Variants in ACVR1C observed in about 807,000 individuals in gnomAD.
ACVR1C encodes the protein activin A receptor type 1C.
In ACVR1C, 23 loss-of-function variants were observed where a neutral mutation model predicts 57.9. The observed-to-expected ratio is 0.40, with a 90% CI of 0.29 to 0.56. The LOEUF is 0.56. Ranked by LOEUF, ACVR1C falls within the 20% of genes least tolerant of loss-of-function variation. ACVR1C has a pLI of 0.50. For missense variants in ACVR1C, 480 were observed against 607.9 expected (o/e 0.79, Z 2.21); for synonymous variants, 214 against 215.3 (o/e 0.99, Z 0.05).
chr2:157,560,665 G>T (rs1474560749), intron 2 of ACVR1C, among the ~76,000 whole-genome samples: 1 of 152,204 alleles, frequency 6.6e-6, no homozygotes, highest in Non-Finnish European at 1.5e-5. Flanking sequence ...AGGAGGACCT[G>T]ACTGAAAACC....
Position 157,538,595 on chromosome 2 carries a change from G to T in ACVR1C, c.1334C>A (p.Pro445Gln). Residue 445 changes from proline (P) to glutamine (Q), a missense_variant, in exon 8 of 9, where the codon CCA becomes CAA. By Grantham distance (76) the Pro-to-Gln change is moderately conservative. Coordinates refer to ENST00000243349, the MANE Select transcript of ACVR1C (RefSeq NM_145259.3). ...TACTTCACAACTTTGCCACTGGTTTGGGATACTTGGTCGAAACTTCTGGTC... is the reference window on the plus strand; with the variant it reads ...TACTTCACAACTTTGCCACTGGTTTTGGATACTTGGTCGAAACTTCTGGTC... ...VCDQKFRPSI[P>Q]NQWQSCEALR... is the part of the protein sequence containing the mutation. 6.3e-7 allele frequency: 1 copy of T among 1,576,696 alleles called. No individual in the cohort carries two copies. The highest frequency in any genetic ancestry group is 1.8e-5 in the Admixed American group (1 of 55,120).
intron 3 of ACVR1C, among the ~76,000 whole-genome samples, chr2:157,553,280 T>C (rs1404816864): frequency 1.3e-5 from 2 of 152,158 alleles, no homozygotes; most frequent in Non-Finnish European, 2.9e-5. Flanking sequence ...AGGCCTTCTG[T>C]TACTTTCAGC....
intron 2 of ACVR1C, among the ~76,000 whole-genome samples, chr2:157,556,536 C>G (rs565080925): frequency 6.6e-6 from 1 of 151,632 alleles, no homozygotes; most frequent in East Asian, 1.9e-4. Flanking sequence ...ATGGTTATGG[C>G]AGATGACAAT....
At chr2:157,549,980 G>T (rs538612302) in intron 4 of ACVR1C, among the ~76,000 whole-genome samples, 182 bp downstream of exon 4, 1 of 147,782 alleles carries the variant, frequency 6.8e-6, no homozygotes, top group East Asian at 2.0e-4. Flanking sequence ...TCCAGCCTGG[G>T]TGACAGAGCC....
chr2:157,547,510 C>G (rs1668462703), intron 4 of ACVR1C, among the ~76,000 whole-genome samples: 1 of 135,904 alleles, frequency 7.4e-6, no homozygotes, highest in Non-Finnish European at 1.6e-5. Context: ...GATTGCCATT[C>G]TAACTGGTGT....
chr2:157,574,364 C>A (rs532607098), intron 2 of ACVR1C, among the ~76,000 whole-genome samples: 34 of 152,214 alleles, frequency 2.2e-4, no homozygotes, highest in African/African-American at 8.2e-4. Flanking sequence ...TTTATGAGGG[C>A]ACTAGTCTCA....
chr2:157,533,953 A>G lies in ACVR1C; in HGVS notation c.1447T>C (p.Ser483Pro). 1.3e-6 allele frequency: 2 copies of G among 1,592,702 alleles called. No homozygotes were observed. The highest frequency in any genetic ancestry group is 1.7e-6 in the Non-Finnish European group (2 of 1,171,852). Residue 483 changes from serine to proline, a missense_variant, in exon 9 of 9, where the codon TCT (serine) becomes CCT (proline). Coordinates refer to ENST00000243349, the MANE Select transcript of ACVR1C (RefSeq NM_145259.3). ...LTALRIKKTI[S>P]QLCVKEDCKA ...CAGTCTTCTTTGACACAAAGTTGAG[A>G]TATAGTCTTCTTAATACGAAGAGCA...
chr2:157,613,425 T>C (rs1470154585), intron 1 of ACVR1C, among the ~76,000 whole-genome samples: 1 of 151,872 alleles, frequency 6.6e-6, no homozygotes, highest in African/African-American at 2.4e-5. Flanking sequence ...ATTATTTTTA[T>C]TGTTGTATTG....
rs1558975041 is a variant in ACVR1C, at chr2:157,554,255, GAAA to G, written c.544+1835_544+1837del. 3.9e-4 allele frequency among the ~76,000 whole-genome samples: 48 copies of G among 123,768 alleles called. 1 individual carries two copies. Among genetic ancestry groups the G allele is most frequent in the South Asian group, 9.8e-4 (4 of 4,070 alleles). The allele number at this position is 123,768 out of a possible 152,430, so 81.2% of individuals were successfully genotyped here. On this transcript the variant is annotated intron_variant, in intron 3 of 8. Coordinates refer to ENST00000243349, the MANE Select transcript of ACVR1C (RefSeq NM_145259.3). Reference sequence around the variant, plus strand: ...AGAAAGAAAGAAAGAAAGAAAGAAAGAAAGAAAGAAAGAAAGGAAGGAAGGAAG... The same window carrying G: ...AGAAAGAAAGAAAGAAAGAAAGAAAGGAAAGAAAGAAAGGAAGGAAGGAAG...
At chr2:157,625,380 G>A (rs1682872629) in intron 1 of ACVR1C, among the ~76,000 whole-genome samples, 2 of 152,154 alleles carry the variant, frequency 1.3e-5, no homozygotes, top group African/African-American at 4.8e-5. Context: ...TCTAAGCATA[G>A]TTTCTCCTGG....
At chr2:157,553,358 T>C (rs1687966237) in intron 3 of ACVR1C, among the ~76,000 whole-genome samples, 1 of 152,060 alleles carries the variant, frequency 6.6e-6, no homozygotes, top group South Asian at 2.1e-4. Context: ...TTCAGATTGG[T>C]ATTTAAAGAA....
chr2:157,551,292 T>C (rs1288022964), intron 3 of ACVR1C, among the ~76,000 whole-genome samples: 1 of 152,098 alleles, frequency 6.6e-6, no homozygotes, highest in East Asian at 1.9e-4. Flanking sequence ...CTCGCAGAGA[T>C]GATATGAGAA....
chr2:157,533,169 T>C lies in ACVR1C; in HGVS notation c.*749A>G, dbSNP rs1449511491. 3 of 152,194 alleles carry C rather than the reference T, an allele frequency of 2.0e-5. No individual in the cohort carries two copies. The highest frequency in any genetic ancestry group is 6.5e-5 in the Admixed American group (1 of 15,272). 9.4% of individuals were successfully genotyped at this position (152,194 alleles called of 1,614,324 possible). On this transcript the variant is annotated 3_prime_UTR_variant, in exon 9 of 9. Transcript: ENST00000243349. The stretch of plus-strand genomic sequence containing the variant: ...AGTAGGAAGCTAGCTAACCTTACGG[T>C]GTTCATTATCACAAGATTTGGACCT...
chr2:157,556,293 GC>G lies in ACVR1C; in HGVS notation c.343del (p.Ala115ProfsTer13). 1 of 1,614,162 alleles carries G rather than the reference GC, an allele frequency of 6.2e-7. No homozygotes were observed. Among genetic ancestry groups the G allele is most frequent in the Non-Finnish European group, 8.5e-7 (1 of 1,180,036 alleles). ...GCAAACAGGCACAGTAATAATGATG[GC>G]CAGCTCCATGGGTCCAAGTTTTGGG... ...NAPKLGPMEL[A>X]IIITVPVCLL... On this transcript the variant is annotated frameshift_variant, in exon 3 of 9. Coordinates refer to ENST00000243349, the MANE Select transcript of ACVR1C (RefSeq NM_145259.3). LOFTEE classifies it high-confidence loss of function.
intron 1 of ACVR1C, among the ~76,000 whole-genome samples, chr2:157,605,102 T>C (rs551323058): frequency 5.1e-4 from 78 of 151,900 alleles, no homozygotes; most frequent in African/African-American, 1.8e-3. Flanking sequence ...TATTTATTTA[T>C]TTTTGCTTAT....
Position 157,556,389 on chromosome 2 carries a change from G to C in ACVR1C, c.305-57C>G. On this transcript the variant is annotated intron_variant, in intron 2 of 8. Transcript: ENST00000243349. The stretch of plus-strand genomic sequence containing the variant: ...AAATCAAACCATTTTAAGTATTTTT[G>C]GAATTGGAATTGCAATCACCAAAAT... The C allele has an allele frequency of 8.8e-6, 14 of 1,590,554 alleles. No homozygotes were observed. In the South Asian group the frequency reaches 1.5e-4, roughly 17 times the overall value.
chr2:157,628,212 G>A (rs1008287648), intron 1 of ACVR1C, among the ~76,000 whole-genome samples: 2 of 152,122 alleles, frequency 1.3e-5, no homozygotes, highest in African/African-American at 4.8e-5. Context: ...TCCCTGCAGG[G>A]TGAACCCAGC....
intron 1 of ACVR1C, among the ~76,000 whole-genome samples, chr2:157,621,906 G>A (rs904128605): frequency 3.3e-5 from 5 of 152,246 alleles, no homozygotes; most frequent in South Asian, 2.1e-4. Flanking sequence ...AAAGAAGAGC[G>A]TATTCAAGTT....
rs192181136 is a variant in ACVR1C at position 157,536,834 on chromosome 2, A to T, written c.1356+1739T>A. Reference sequence around the variant, plus strand: ...ACAAGACAGAAACAAAATACTGGACAAAAAATGCATATATCAGGAATGTAC... The same window carrying T: ...ACAAGACAGAAACAAAATACTGGACTAAAAATGCATATATCAGGAATGTAC... On this transcript the variant is annotated intron_variant, in intron 8 of 8. Coordinates refer to ENST00000243349, the MANE Select transcript of ACVR1C (RefSeq NM_145259.3). Among the ~76,000 whole-genome samples, 733 of 152,252 alleles carry T rather than the reference A, an allele frequency of 4.8e-3. 9 individuals carry two copies. Among genetic ancestry groups the T allele is most frequent in the African/African-American group, 0.016 (684 of 41,572 alleles).
Sources: allele counts gnomAD v4.1 joint callset (sites outside exome capture counted in the v4.1 genomes callset), GRCh38; gene constraint gnomAD v4.1.1; transcripts MANE v1.5; gene names NCBI Gene and HGNC (gene_info 2026-07-23, HGNC 2026-07-21).